The following DMBX1 variants were observed in gnomAD, a reference collection of about 807,000 sequenced individuals.
DMBX1 encodes diencephalon/mesencephalon homeobox 1.
DMBX1 carries 7 observed loss-of-function variants against 30.4 expected under a neutral mutation model. The observed-to-expected ratio is 0.23, with a 90% CI of 0.13 to 0.43. The LOEUF (loss-of-function observed/expected upper bound fraction) is 0.43, where lower values mean the gene tolerates loss of function less well. Among genes scored for constraint, DMBX1 ranks in the 20% least tolerant of loss-of-function variants. The probability of loss-of-function intolerance (pLI) is 1.00; values close to 1 mark genes in which losing one functional copy is unlikely to be tolerated. For synonymous variants in DMBX1, 222 were observed against 214.2 expected (o/e 1.04, Z -0.32); for missense variants, 460 against 508.5 (o/e 0.90, Z 0.92).
At chr1:46,506,879 T>G in intron 2 of DMBX1, 120 bp from the exon 3 acceptor site, 5 of 1,106,676 alleles carry the variant, frequency 4.5e-6, no homozygotes, top group South Asian at 1.5e-5. Context: ...TCCCTTCCGA[T>G]GGAGGGAGCT....
Position 46,491,486 on chromosome 1 carries a change from G to A in DMBX1, c.-13+703G>A, listed in dbSNP as rs1261900563. On this transcript the variant is annotated intron_variant, in intron 2 of 5. Transcript: ENST00000360032. This position sits in a 1 kb window ranked among gnomAD's most constrained non-coding sequence, Gnocchi z 5.5. ...CTAAGGGCGCCTCCAGTTTGAGGGC[G>A]TTGGGGAAAGAGGAGGGCTTTATTG... is the stretch of plus-strand genomic sequence containing the variant. Among the ~76,000 whole-genome samples the A allele has an allele frequency of 1.3e-5, 2 of 152,228 alleles. No individual in the cohort carries two copies. The highest frequency in any genetic ancestry group is 2.1e-4 in the South Asian group (1 of 4,826).
rs1666417379 is a variant in DMBX1, at chr1:46,513,083, C to T, written c.*589C>T. On this transcript the variant is annotated 3_prime_UTR_variant, in exon 6 of 6. Coordinates refer to ENST00000360032, the MANE Select transcript of DMBX1 (RefSeq NM_172225.2). ...CTCGGCCCAGCCTCTGTATTCTCCACCCTTGATCTTTCTCCTTGTCTCTCC... is the reference window on the plus strand; with the variant it reads ...CTCGGCCCAGCCTCTGTATTCTCCATCCTTGATCTTTCTCCTTGTCTCTCC... 6.5e-6 allele frequency: 1 copy of T among 153,428 alleles called. No homozygotes were observed. The highest frequency in any genetic ancestry group is 2.1e-4 in the South Asian group (1 of 4,848). The allele number at this position is 153,428 out of a possible 1,614,324, so 9.5% of individuals were successfully genotyped here.
intron 2 of DMBX1, among the ~76,000 whole-genome samples, chr1:46,501,550 G>A: frequency 6.6e-6 from 1 of 152,124 alleles, no homozygotes. Flanking sequence ...ACAAGCGTGA[G>A]CCACCCACGC....
In DMBX1 at chr1:46,510,143, AAGTATACTCAT is replaced by A. The variant is rs1169244471; in HGVS notation, c.155-327_155-317del. Among the ~76,000 whole-genome samples the A allele has an allele frequency of 6.6e-6, 1 of 152,218 alleles. No individual in the cohort carries two copies. The highest frequency in any genetic ancestry group is 2.4e-5 in the African/African-American group (1 of 41,448). On this transcript the variant is annotated intron_variant, in intron 3 of 5. Transcript: ENST00000360032. This position sits in a 1 kb window ranked among gnomAD's most constrained non-coding sequence, Gnocchi z 4.1. ...AGATTATTAGCATCATGGAGTCTCA[AAGTATACTCAT>A]AGTATCCATCTTAGGGTAATACCCA...
At chr1:46,492,174 A>G (rs1665942488) in intron 2 of DMBX1, among the ~76,000 whole-genome samples, 1 of 152,226 alleles carries the variant, frequency 6.6e-6, no homozygotes, top group Admixed American at 6.5e-5. Flanking sequence ...ATGGCGAAGG[A>G]CAAGCACTCG....
chr1:46,515,808 A>G lies in DMBX1; in HGVS notation c.*3314A>G, dbSNP rs1460586447. Among the ~76,000 whole-genome samples, 1 of 152,206 alleles carries G rather than the reference A, an allele frequency of 6.6e-6. No homozygotes were observed. The highest frequency in any genetic ancestry group is 1.5e-5 in the Non-Finnish European group (1 of 68,026). The stretch of plus-strand genomic sequence containing the variant: ...ACCTGGGCCTGAAAGCCAGAGGCTC[A>G]AGCTCTGACTGTCCCTTCCAGGAAT... On this transcript the variant is annotated 3_prime_UTR_variant, in exon 6 of 6. Transcript: ENST00000360032.
At chr1:46,501,483 A>G (rs1362338564) in intron 2 of DMBX1, among the ~76,000 whole-genome samples, 1 of 151,712 alleles carries the variant, frequency 6.6e-6, no homozygotes, top group African/African-American at 2.4e-5. Flanking sequence ...GGGTTTCACC[A>G]TGTTGGCCAG....
intron 2 of DMBX1, among the ~76,000 whole-genome samples, chr1:46,494,581 C>T (rs1394531586): frequency 6.6e-6 from 1 of 152,116 alleles, no homozygotes; most frequent in Non-Finnish European, 1.5e-5. Context: ...TGAGACCCAC[C>T]GGGACCCTGG....
At chr1:46,499,668 C>T (rs760740427) in intron 2 of DMBX1, among the ~76,000 whole-genome samples, 6 of 152,260 alleles carry the variant, frequency 3.9e-5, no homozygotes, top group African/African-American at 4.8e-5. Context: ...ATCATCTGAT[C>T]CTTATTTCCT....
chr1:46,512,336 C>T lies in DMBX1; in HGVS notation c.976C>T (p.His326Tyr). ...YQSLSAAAAAHQGVWGSPLLP... is the reference protein window; with the variant it reads ...YQSLSAAAAAYQGVWGSPLLP... Reference sequence around the variant, plus strand: ...GTCCCTGTCAGCAGCCGCTGCTGCCCACCAGGGTGTGTGGGGGTCTCCTCT... The same window carrying T: ...GTCCCTGTCAGCAGCCGCTGCTGCCTACCAGGGTGTGTGGGGGTCTCCTCT... The change falls in exon 6 of 6, where the codon CAC (histidine) becomes TAC (tyrosine). Residue 326 changes from histidine to tyrosine, a missense_variant. Physicochemically the swap from His to Tyr is moderately conservative, Grantham distance 83 (BLOSUM62 2). Transcript: ENST00000360032. The surrounding 1 kb of genome is among the most constrained non-coding windows in gnomAD (Gnocchi z 4.8). 6.2e-7 allele frequency: 1 copy of T among 1,613,920 alleles called. No individual in the cohort carries two copies. Among genetic ancestry groups the T allele is most frequent in the Non-Finnish European group, 8.5e-7 (1 of 1,179,986 alleles).
intron 2 of DMBX1, among the ~76,000 whole-genome samples, 170 bp from the exon 3 acceptor site, chr1:46,506,829 T>C (rs1362819639): frequency 6.6e-6 from 1 of 152,112 alleles, no homozygotes; most frequent in Admixed American, 6.5e-5. Flanking sequence ...AAGGAGTGAA[T>C]GCAGGAACCC....
At chr1:46,494,498 T>C in intron 2 of DMBX1, among the ~76,000 whole-genome samples, 1 of 152,112 alleles carries the variant, frequency 6.6e-6, no homozygotes, top group East Asian at 1.9e-4. Flanking sequence ...AATTGGATGT[T>C]AATGGATAAC....
chr1:46,490,443 G>A (rs1047091207), intron 1 of DMBX1, among the ~76,000 whole-genome samples: 1 of 152,152 alleles, frequency 6.6e-6, no homozygotes, highest in African/African-American at 2.4e-5. Flanking sequence ...GGGGAGGGAG[G>A]TGGCCGGCGT....
At chr1:46,502,821 G>A (rs768308603) in intron 2 of DMBX1, among the ~76,000 whole-genome samples, 5 of 152,124 alleles carry the variant, frequency 3.3e-5, no homozygotes, top group Admixed American at 6.5e-5. Flanking sequence ...TTGAGGCTAC[G>A]GTGAGTCAAG....
chr1:46,500,262 G>A (rs1035803926), intron 2 of DMBX1, among the ~76,000 whole-genome samples: 1 of 152,080 alleles, frequency 6.6e-6, no homozygotes. Context: ...CCCAGAGAGG[G>A]ATCTCTCTGG....
chr1:46,507,315 A>G (rs928734313), intron 3 of DMBX1, 151 bp downstream of exon 3: 1 of 1,051,358 alleles, frequency 9.5e-7, no homozygotes, highest in African/African-American at 1.6e-5. Context: ...AGAGATGTCA[A>G]TTCAAAACTA....
rs1259247585 is a variant in DMBX1 at position 46,493,185 on chromosome 1, G to A, written c.-13+2402G>A. On this transcript the variant is annotated intron_variant, in intron 2 of 5. Coordinates refer to ENST00000360032, the MANE Select transcript of DMBX1 (RefSeq NM_172225.2). This position sits in a 1 kb window ranked among gnomAD's most constrained non-coding sequence, Gnocchi z 4.1. ...GCAATAAATATCTAATCAAGGCCCC[G>A]GGCGACGCCACTGCTGCCCGCCAAA... Among the ~76,000 whole-genome samples, 1 of 152,088 alleles carries A rather than the reference G, an allele frequency of 6.6e-6. No homozygotes were observed. The highest frequency in any genetic ancestry group is 6.5e-5 in the Admixed American group (1 of 15,272).
intron 3 of DMBX1, among the ~76,000 whole-genome samples, chr1:46,509,929 A>G (rs1251022228): frequency 6.6e-6 from 1 of 152,144 alleles, no homozygotes; most frequent in East Asian, 1.9e-4. Flanking sequence ...GTTTACATGC[A>G]GAGGACAGAG....
chr1:46,511,252 G>T lies in DMBX1; in HGVS notation c.651G>T (p.Gly217=). The T allele has an allele frequency of 6.2e-7, 1 of 1,603,934 alleles. No homozygotes were observed. The highest frequency in any genetic ancestry group is 8.5e-7 in the Non-Finnish European group (1 of 1,175,826). ...AEKSPGADSK[G]LGCKRGSPKA... Reference sequence around the variant, plus strand: ...AGAGCCCTGGGGCTGACAGCAAGGGGCTGGGCTGCAAGAGGGGCAGCCCCA... The same window carrying T: ...AGAGCCCTGGGGCTGACAGCAAGGGTCTGGGCTGCAAGAGGGGCAGCCCCA... Residue 217 remains glycine, a synonymous_variant, in exon 5 of 6, where the codon GGG becomes GGT. Transcript: ENST00000360032.
Sources: gnomAD v4.1 joint callset for allele counts (sites outside exome capture counted in the v4.1 genomes callset) on GRCh38, gnomAD v4.1.1 for gene constraint, Gnocchi (gnomAD v3.1) non-coding constraint, MANE v1.5 for transcripts, NCBI Gene and HGNC (gene_info 2026-07-23, HGNC 2026-07-21) for gene names.